The following GALNT18 variants were observed in gnomAD, a reference collection of about 807,000 sequenced individuals.
GALNT18 encodes polypeptide N-acetylgalactosaminyltransferase 18, also known as GalNAc-transferase 18.
In GALNT18, 44 loss-of-function variants were observed where a neutral mutation model predicts 69.5. That is an observed-to-expected ratio of 0.63 (90% CI 0.50 to 0.81). GALNT18 has a LOEUF of 0.81. Among genes scored for constraint, GALNT18 ranks in the 40% least tolerant of loss-of-function variants. GALNT18 has a pLI of 0.00. For missense variants in GALNT18, 715 were observed against 810.0 expected (o/e 0.88, Z 1.42); for synonymous variants, 364 against 318.2 (o/e 1.14, Z -1.53).
intron 1 of GALNT18, among the ~76,000 whole-genome samples, chr11:11,479,978 A>T (rs1220775853): frequency 6.6e-6 from 1 of 152,154 alleles, no homozygotes; most frequent in Non-Finnish European, 1.5e-5. Flanking sequence ...GATAGAGAAG[A>T]TGAGGAGAGA....
rs1460051102 is a variant in GALNT18, at chr11:11,572,301, C to T, written c.235+49058G>A. ...CACGGCCTGCTTGCTCCTTGGGTGG[C>T]TTTCAGGGATCAAGGGAGGTGGTAT... On this transcript the variant is annotated intron_variant, in intron 1 of 10. Transcript: ENST00000227756. 3.9e-5 allele frequency among the ~76,000 whole-genome samples: 6 copies of T among 152,162 alleles called. No homozygotes were observed. In the East Asian group the frequency reaches 9.6e-4, roughly 24 times the overall value.
At chr11:11,297,883 G>T (rs1386624609) in intron 9 of GALNT18, among the ~76,000 whole-genome samples, 2 of 152,196 alleles carry the variant, frequency 1.3e-5, no homozygotes, top group Non-Finnish European at 2.9e-5. Context: ...TTTGATTCTT[G>T]CAGGAGGAAG....
intron 9 of GALNT18, among the ~76,000 whole-genome samples, chr11:11,302,711 G>A (rs1849518785): frequency 6.6e-6 from 1 of 152,264 alleles, no homozygotes; most frequent in South Asian, 2.1e-4. Flanking sequence ...GATGCGTGCT[G>A]CTGGCAGAAC....
chr11:11,617,916 C>T lies in GALNT18; in HGVS notation c.235+3443G>A, dbSNP rs754701408. ...AACATTTACTTTGTGTTTCTAAACCCCCAGGATGCTTTTTTTAAAAACTCA... is the reference window on the plus strand; with the variant it reads ...AACATTTACTTTGTGTTTCTAAACCTCCAGGATGCTTTTTTTAAAAACTCA... On this transcript the variant is annotated intron_variant, in intron 1 of 10. Coordinates refer to ENST00000227756, the MANE Select transcript of GALNT18 (RefSeq NM_198516.3). The surrounding 1 kb of genome is among the most constrained non-coding windows in gnomAD (Gnocchi z 4.7). 6.6e-6 allele frequency among the ~76,000 whole-genome samples: 1 copy of T among 152,078 alleles called. No individual in the cohort carries two copies. The highest frequency in any genetic ancestry group is 1.5e-5 in the Non-Finnish European group (1 of 68,034).
At chr11:11,528,637 T>C (rs1857572106) in intron 1 of GALNT18, among the ~76,000 whole-genome samples, 1 of 152,176 alleles carries the variant, frequency 6.6e-6, no homozygotes, top group South Asian at 2.1e-4. Context: ...TGATGGGCTA[T>C]GCGGGGCAAG....
intron 1 of GALNT18, among the ~76,000 whole-genome samples, chr11:11,502,816 A>C (rs1250287773): frequency 1.3e-5 from 2 of 152,158 alleles, no homozygotes; most frequent in African/African-American, 4.8e-5. Flanking sequence ...TCCTCAGATA[A>C]ATTCACGGCT....
chr11:11,443,530 A>T (rs1337146419), intron 2 of GALNT18, among the ~76,000 whole-genome samples: 1 of 151,828 alleles, frequency 6.6e-6, no homozygotes, highest in East Asian at 1.9e-4. Flanking sequence ...GGAGCCTACC[A>T]ATAAGGAGAA....
chr11:11,581,323 T>C (rs1156957039), intron 1 of GALNT18, among the ~76,000 whole-genome samples: 2 of 152,148 alleles, frequency 1.3e-5, no homozygotes, highest in Non-Finnish European at 2.9e-5. Context: ...ATGTGACAGA[T>C]TCATTTTCAT....
chr11:11,524,006 C>T (rs1332723536), intron 1 of GALNT18, among the ~76,000 whole-genome samples: 1 of 151,184 alleles, frequency 6.6e-6, no homozygotes, highest in Non-Finnish European at 1.5e-5. Flanking sequence ...CTCAAGGCTC[C>T]TGGCACTTCA....
At chr11:11,424,287 C>G (rs1589990106) in intron 3 of GALNT18, among the ~76,000 whole-genome samples, 1 of 152,154 alleles carries the variant, frequency 6.6e-6, no homozygotes, top group South Asian at 2.1e-4. Context: ...CAGGAGAGAA[C>G]CAGAGAGGAG....
Position 11,463,394 on chromosome 11 carries a change from G to T in GALNT18, c.236-14458C>A, listed in dbSNP as rs371872593. 3.3e-5 allele frequency among the ~76,000 whole-genome samples: 5 copies of T among 152,332 alleles called. No homozygotes were observed. Among genetic ancestry groups the T allele is most frequent in the African/African-American group, 1.2e-4 (5 of 41,562 alleles). On this transcript the variant is annotated intron_variant, in intron 1 of 10. Transcript: ENST00000227756. The surrounding 1 kb of genome is among the most constrained non-coding windows in gnomAD (Gnocchi z 4.2). ...ACTTACAAAAACAAACTTGTGAGAA[G>T]AAATATTATTCAGTTAACTAGCCCA...
chr11:11,590,912 CTA>C lies in GALNT18; in HGVS notation c.235+30445_235+30446del, dbSNP rs57181811. Among the ~76,000 whole-genome samples the C allele has an allele frequency of 0.069, 10,526 of 152,036 alleles. 647 individuals carry two copies. The highest frequency in any genetic ancestry group is 0.32 in the East Asian group (1,675 of 5,154). On this transcript the variant is annotated intron_variant, in intron 1 of 10. Coordinates refer to ENST00000227756, the MANE Select transcript of GALNT18 (RefSeq NM_198516.3). The surrounding 1 kb of genome is among the most constrained non-coding windows in gnomAD (Gnocchi z 4.4). Reference sequence around the variant, plus strand: ...AATCATTGATAATGATGATCAACAACTATGTTACTGGTTTATGTATTTACTAT... The same window carrying C: ...AATCATTGATAATGATGATCAACAACTGTTACTGGTTTATGTATTTACTAT...
In GALNT18 at chr11:11,381,921, G is replaced by A. The variant is rs193185905; in HGVS notation, c.596-2657C>T. 1.3e-3 allele frequency among the ~76,000 whole-genome samples: 197 copies of A among 152,356 alleles called. 1 individual carries two copies. The highest frequency in any genetic ancestry group is 4.6e-3 in the African/African-American group (193 of 41,584). ...GAATGGTTTGTTATACACAATGGCT[G>A]TAATAAACATTTTCTATTGTTCTGG... On this transcript the variant is annotated intron_variant, in intron 3 of 10. Transcript: ENST00000227756.
At position 11,463,221 on chromosome 11, in the gene GALNT18, CACACAGAG is replaced by C. The variant is rs1590025257; in HGVS notation, c.236-14293_236-14286del. Among the ~76,000 whole-genome samples the C allele has an allele frequency of 6.7e-6, 1 of 149,588 alleles. No homozygotes were observed. The highest frequency in any genetic ancestry group is 2.1e-4 in the South Asian group (1 of 4,736). On this transcript the variant is annotated intron_variant, in intron 1 of 10. Coordinates refer to ENST00000227756, the MANE Select transcript of GALNT18 (RefSeq NM_198516.3). This position sits in a 1 kb window ranked among gnomAD's most constrained non-coding sequence, Gnocchi z 4.2. Reference sequence around the variant, plus strand: ...AGACAGACAGACAGACACACACACACACACAGAGAGAGAGAGAGAGAGTTCCAGAAGCC... The same window carrying C: ...AGACAGACAGACAGACACACACACACAGAGAGAGAGAGAGTTCCAGAAGCC...
intron 3 of GALNT18, among the ~76,000 whole-genome samples, chr11:11,419,110 G>A (rs981871333): frequency 7.2e-5 from 11 of 152,156 alleles, no homozygotes; most frequent in African/African-American, 1.7e-4. Flanking sequence ...ATCTCTGCAC[G>A]CAGGCCATGC....
At chr11:11,326,977 G>GCCATGACAGAGCCTAGCTCTCCTTCC in intron 9 of GALNT18, 109 bp downstream of exon 9, 9 of 792,192 alleles carry the variant, frequency 1.1e-5, no homozygotes, top group East Asian at 2.5e-5. Flanking sequence ...TCCCAGAGCT[G>GCCATGACAGAGCCTAGCTCTCCTTCC]CCATGACAGA....
chr11:11,494,901 A>C lies in GALNT18; in HGVS notation c.236-45965T>G, dbSNP rs13377404. ...GCAAATCAGATGCCAAATTCCACCA[A>C]AGGAAAATGCAATAACATGGAGTTA... On this transcript the variant is annotated intron_variant, in intron 1 of 10. Transcript: ENST00000227756. The surrounding 1 kb of genome is among the most constrained non-coding windows in gnomAD (Gnocchi z 5.7). Among the ~76,000 whole-genome samples the C allele has an allele frequency of 0.01, 1,583 of 152,248 alleles. 23 individuals carry two copies. The highest frequency in any genetic ancestry group is 0.036 in the African/African-American group (1,480 of 41,538).
At chr11:11,458,294 A>G (rs923100144) in intron 1 of GALNT18, among the ~76,000 whole-genome samples, 3 of 152,256 alleles carry the variant, frequency 2.0e-5, no homozygotes, top group African/African-American at 7.2e-5. Context: ...GAATTCATAA[A>G]GAAGGTTTTC....
At chr11:11,513,034 C>A (rs182001502) in intron 1 of GALNT18, among the ~76,000 whole-genome samples, 40 of 152,322 alleles carry the variant, frequency 2.6e-4, no homozygotes, top group African/African-American at 9.1e-4. Flanking sequence ...GATTTCCCAA[C>A]AGACAGACCC....
Sources: gnomAD v4.1 joint callset for allele counts (sites outside exome capture counted in the v4.1 genomes callset) on GRCh38, gnomAD v4.1.1 for gene constraint, Gnocchi (gnomAD v3.1) non-coding constraint, MANE v1.5 for transcripts, NCBI Gene and HGNC (gene_info 2026-07-23, HGNC 2026-07-21) for gene names.